TDRD3: variants seen among roughly 807,000 people sequenced by gnomAD.
The protein encoded by TDRD3 is tudor domain containing 3.
In TDRD3, 45 loss-of-function variants were observed where a neutral mutation model predicts 86.7. The ratio of observed to expected loss-of-function variants is 0.52; its 90% CI spans 0.41 to 0.67. The LOEUF is 0.67. TDRD3 is among the 30% of genes least tolerant of loss of function. The probability of loss-of-function intolerance (pLI) is 0.00; values close to 1 mark genes in which losing one functional copy is unlikely to be tolerated. For synonymous variants in TDRD3, 298 were observed against 301.7 expected (o/e 0.99, Z 0.13); for missense variants, 814 against 889.0 (o/e 0.92, Z 1.07).
chr13:60,497,149 A>G (rs1223454673), intron 8 of TDRD3, among the ~76,000 whole-genome samples: 1 of 152,204 alleles, frequency 6.6e-6, no homozygotes, highest in African/African-American at 2.4e-5. Flanking sequence ...GTGGAAGTCA[A>G]CGGCGGGTCT....
intron 1 of TDRD3, among the ~76,000 whole-genome samples, chr13:60,399,407 G>A (rs7325486): frequency 0.1 from 15,713 of 152,196 alleles, 1,016 homozygotes; most frequent in African/African-American, 0.18. Flanking sequence ...TAATCTGCGG[G>A]GCTAAAAACA....
chr13:60,509,182 G>C (rs1484045621), intron 8 of TDRD3, among the ~76,000 whole-genome samples: 1 of 152,014 alleles, frequency 6.6e-6, no homozygotes, highest in Admixed American at 6.6e-5. Flanking sequence ...ATTCTATTCA[G>C]GTCTAGATTT....
chr13:60,486,021 G>T, intron 7 of TDRD3, 73 bp downstream of exon 7: 1 of 1,419,250 alleles, frequency 7.0e-7, no homozygotes, highest in Non-Finnish European at 9.3e-7. Context: ...GATCGTTATT[G>T]TCTTTTCATA....
intron 7 of TDRD3, among the ~76,000 whole-genome samples, chr13:60,486,507 A>G (rs1385048505): frequency 1.3e-5 from 2 of 152,182 alleles, no homozygotes; most frequent in African/African-American, 4.8e-5. Flanking sequence ...AAATAATTAC[A>G]CATATATATG....
At chr13:60,544,841 A>G (rs1398608612) in intron 12 of TDRD3, among the ~76,000 whole-genome samples, 1 of 152,300 alleles carries the variant, frequency 6.6e-6, no homozygotes, top group Non-Finnish European at 1.5e-5. Flanking sequence ...AATAATCAAT[A>G]GATGTATACT....
intron 8 of TDRD3, among the ~76,000 whole-genome samples, chr13:60,501,957 A>G (rs564817408): frequency 6.6e-6 from 1 of 152,330 alleles, no homozygotes; most frequent in East Asian, 1.9e-4. Context: ...TACTATAGCA[A>G]TGGAAACTCT....
intron 5 of TDRD3, among the ~76,000 whole-genome samples, chr13:60,475,681 CT>C (rs1447011524): frequency 6.6e-6 from 1 of 152,162 alleles, no homozygotes; most frequent in Non-Finnish European, 1.5e-5. Context: ...GTGTATTTTC[CT>C]TTCTTGGCAA....
intron 1 of TDRD3, among the ~76,000 whole-genome samples, chr13:60,405,987 A>G (rs1047273993): frequency 3.3e-5 from 5 of 152,190 alleles, no homozygotes; most frequent in Non-Finnish European, 1.5e-5. Flanking sequence ...CTTGATTTCT[A>G]GGTTTTGGAC....
chr13:60,500,183 G>T (rs1176938605), intron 8 of TDRD3, among the ~76,000 whole-genome samples: 1 of 152,284 alleles, frequency 6.6e-6, no homozygotes, highest in African/African-American at 2.4e-5. Flanking sequence ...TTGACTATGG[G>T]TCATCAAGTC....
chr13:60,484,033 C>T (rs1178817406), intron 6 of TDRD3, among the ~76,000 whole-genome samples, 187 bp downstream of exon 6: 20 of 151,666 alleles, frequency 1.3e-4, no homozygotes, highest in Admixed American at 9.8e-4. Context: ...TTGACGTTTG[C>T]GAGAGCTGTT....
intron 1 of TDRD3, among the ~76,000 whole-genome samples, chr13:60,429,325 C>G (rs1196496820): frequency 6.6e-6 from 1 of 152,048 alleles, no homozygotes; most frequent in East Asian, 1.9e-4. Flanking sequence ...AGGTATTTGT[C>G]TTAACTGCCT....
chr13:60,489,626 A>G (rs1343646241), intron 7 of TDRD3, among the ~76,000 whole-genome samples: 1 of 152,192 alleles, frequency 6.6e-6, no homozygotes, highest in Non-Finnish European at 1.5e-5. Flanking sequence ...TAAAACATTT[A>G]GAGCTAATAC....
At chr13:60,558,281 G>A (rs763757889) in intron 12 of TDRD3, among the ~76,000 whole-genome samples, 4 of 152,140 alleles carry the variant, frequency 2.6e-5, no homozygotes, top group Non-Finnish European at 5.9e-5. Context: ...GAAAGAATTC[G>A]TTAACTCATC....
chr13:60,429,403 T>C (rs1175059448), intron 1 of TDRD3, among the ~76,000 whole-genome samples: 1 of 152,192 alleles, frequency 6.6e-6, no homozygotes, highest in Non-Finnish European at 1.5e-5. Context: ...AAATGTAAAT[T>C]GTAAAATGGC....
intron 5 of TDRD3, among the ~76,000 whole-genome samples, chr13:60,476,920 T>C (rs1324702857): frequency 3.3e-5 from 5 of 152,190 alleles, no homozygotes; most frequent in Non-Finnish European, 7.3e-5. Flanking sequence ...GAAACTTTAC[T>C]GAATTTGTTT....
intron 12 of TDRD3, among the ~76,000 whole-genome samples, chr13:60,562,768 C>T (rs1280782816): frequency 6.6e-6 from 1 of 152,088 alleles, no homozygotes; most frequent in African/African-American, 2.4e-5. Flanking sequence ...TTAAATTATA[C>T]ATAACATAGC....
Position 60,444,718 on chromosome 13 carries a change from C to A in TDRD3, c.162C>A (p.Pro54=). ...GAACAATTGGCAAGAAATTCCTCCC[C>A]AGTGACATCAATAGTGGAAAGGTAG... is the stretch of plus-strand genomic sequence containing the variant. ...DLRTIGKKFL[P]SDINSGKVEK... The change falls in exon 3 of 14, where the codon CCC becomes CCA. Residue 54 remains proline (P), a synonymous_variant. Transcript: ENST00000377881. The A allele has an allele frequency of 6.7e-7, 1 of 1,486,178 alleles. No individual in the cohort carries two copies. The highest frequency in any genetic ancestry group is 1.4e-5 in the South Asian group (1 of 72,970). The allele number at this position is 1,486,178 out of a possible 1,614,324, so 92.1% of individuals were successfully genotyped here. A position where few individuals can be genotyped will look rare whatever the true frequency, so the allele number is the denominator to read the frequency against.
At chr13:60,509,702 A>G in intron 8 of TDRD3, 61 bp from the exon 9 acceptor site, 1 of 1,598,280 alleles carries the variant, frequency 6.3e-7, no homozygotes. Context: ...TAAGTAGTTA[A>G]AAGTTTATGC....
At chr13:60,418,828 A>T (rs1843225783) in intron 1 of TDRD3, among the ~76,000 whole-genome samples, 1 of 152,136 alleles carries the variant, frequency 6.6e-6, no homozygotes. Context: ...TGGAAACCTT[A>T]TTTCTTCTGA....
Sources: gnomAD v4.1 joint callset for allele counts (sites outside exome capture counted in the v4.1 genomes callset) on GRCh38, gnomAD v4.1.1 for gene constraint, MANE v1.5 for transcripts, NCBI Gene and HGNC (gene_info 2026-07-23, HGNC 2026-07-21) for gene names.